FRAS1: variants seen among roughly 807,000 people sequenced by gnomAD.
The protein encoded by FRAS1 is extracellular matrix organizing protein FRAS1.
A neutral mutation model predicts 435.2 loss-of-function variants in FRAS1; 290 were observed. The ratio of observed to expected loss-of-function variants is 0.67; its 90% CI spans 0.61 to 0.73. FRAS1 has a LOEUF of 0.73. Among genes scored for constraint, FRAS1 ranks in the 30% least tolerant of loss-of-function variants. FRAS1 has a pLI of 0.00. For missense variants in FRAS1, 4,860 were observed against 5,001.5 expected, an observed-to-expected ratio of 0.97 and a Z score of 0.85; for synonymous variants, 1,800 against 1,851.0, an observed-to-expected ratio of 0.97 and a Z score of 0.71.
chr4:78,364,519 T>A (rs1428608143), intron 22 of FRAS1, among the ~76,000 whole-genome samples: 2 of 152,216 alleles, frequency 1.3e-5, no homozygotes, highest in African/African-American at 4.8e-5. Flanking sequence ...AGGTTTTGCA[T>A]GCTGGAAATA....
chr4:78,359,551 A>C (rs1383814530), intron 20 of FRAS1, among the ~76,000 whole-genome samples: 1 of 152,242 alleles, frequency 6.6e-6, no homozygotes, highest in East Asian at 1.9e-4. Flanking sequence ...GGGGGATTGC[A>C]TATGATGGAG....
intron 50 of FRAS1, among the ~76,000 whole-genome samples, chr4:78,467,884 G>A (rs1395837918): frequency 1.3e-5 from 2 of 152,168 alleles, no homozygotes; most frequent in Non-Finnish European, 2.9e-5. Flanking sequence ...TTTGACAAAT[G>A]TCTATTCAAA....
intron 2 of FRAS1, among the ~76,000 whole-genome samples, chr4:78,090,917 T>C (rs78869796): frequency 0.016 from 2,399 of 152,314 alleles, 59 homozygotes; most frequent in African/African-American, 0.055. Flanking sequence ...AAAGGATAAA[T>C]TTGTAGTTTA....
chr4:78,202,354 A>G (rs1380665737), intron 2 of FRAS1, among the ~76,000 whole-genome samples: 2 of 152,212 alleles, frequency 1.3e-5, no homozygotes, highest in African/African-American at 4.8e-5. Flanking sequence ...CTGGATTTGC[A>G]TAAGCATCGA....
intron 2 of FRAS1, among the ~76,000 whole-genome samples, chr4:78,177,939 G>A (rs974226876): frequency 2.0e-5 from 3 of 152,080 alleles, no homozygotes; most frequent in Non-Finnish European, 4.4e-5. Context: ...GCAAATTTCC[G>A]CAAACTGGGT....
At chr4:78,148,117 G>A (rs1387502684) in intron 2 of FRAS1, among the ~76,000 whole-genome samples, 1 of 152,114 alleles carries the variant, frequency 6.6e-6, no homozygotes, top group African/African-American at 2.4e-5. Flanking sequence ...TTCTAGAAAT[G>A]AGGAGTTATT....
chr4:78,128,513 G>A (rs1719501726), intron 2 of FRAS1, among the ~76,000 whole-genome samples: 1 of 152,166 alleles, frequency 6.6e-6, no homozygotes. Context: ...GTGATGATGA[G>A]CATTTTTTCA....
intron 2 of FRAS1, among the ~76,000 whole-genome samples, chr4:78,198,507 G>C (rs894109970): frequency 6.6e-6 from 1 of 152,204 alleles, no homozygotes; most frequent in African/African-American, 2.4e-5. Flanking sequence ...GAAAAAGAAA[G>C]AAAGAGTGTA....
chr4:78,508,542 C>CT (rs1007696040), intron 62 of FRAS1, among the ~76,000 whole-genome samples, 189 bp from the exon 63 acceptor site: 32 of 152,198 alleles, frequency 2.1e-4, no homozygotes, highest in Non-Finnish European at 4.3e-4. Flanking sequence ...GTAGAAGAAT[C>CT]TTCTCCACCA....
intron 2 of FRAS1, among the ~76,000 whole-genome samples, chr4:78,122,904 A>C (rs527555781): frequency 1.3e-5 from 2 of 152,264 alleles, no homozygotes; most frequent in South Asian, 4.1e-4. Context: ...AGATTGCAAA[A>C]ATTTTCTTCC....
At chr4:78,060,936 C>T (rs1739735766) in intron 1 of FRAS1, among the ~76,000 whole-genome samples, 1 of 152,000 alleles carries the variant, frequency 6.6e-6, no homozygotes, top group Admixed American at 6.6e-5. Flanking sequence ...TGCCTCTGCC[C>T]CCTGGCCTCA....
At chr4:78,246,051 T>C (rs1320256780) in intron 4 of FRAS1, among the ~76,000 whole-genome samples, 10 of 152,204 alleles carry the variant, frequency 6.6e-5, no homozygotes, top group Non-Finnish European at 1.3e-4. Flanking sequence ...AAAATTACAC[T>C]TTCTCATTTC....
At chr4:78,211,276 GT>G (rs1723490730) in intron 2 of FRAS1, among the ~76,000 whole-genome samples, 2 of 152,182 alleles carry the variant, frequency 1.3e-5, no homozygotes, top group Non-Finnish European at 2.9e-5. Context: ...TAAAAGTATT[GT>G]TGAGCCATGC....
intron 20 of FRAS1, among the ~76,000 whole-genome samples, chr4:78,341,399 A>G (rs1367872950): frequency 6.6e-6 from 1 of 152,178 alleles, no homozygotes; most frequent in Non-Finnish European, 1.5e-5. Context: ...TTCTGTGAAG[A>G]GAAAGATCTG....
At chr4:78,466,121 T>G in intron 49 of FRAS1, 87 bp from the exon 50 acceptor site, 1 of 1,036,740 alleles carries the variant, frequency 9.6e-7, no homozygotes, top group Non-Finnish European at 1.5e-6. Context: ...TGGGTTCTAC[T>G]ACCCTTGATC....
intron 2 of FRAS1, among the ~76,000 whole-genome samples, chr4:78,129,020 C>T (rs1010725865): frequency 6.6e-6 from 1 of 152,124 alleles, no homozygotes; most frequent in African/African-American, 2.4e-5. Flanking sequence ...GAATCCTTTC[C>T]CCATTGCTTG....
At chr4:78,357,824 C>G (rs1396410117) in intron 20 of FRAS1, among the ~76,000 whole-genome samples, 1 of 152,142 alleles carries the variant, frequency 6.6e-6, no homozygotes, top group East Asian at 1.9e-4. Context: ...GATCCTGGAG[C>G]CCCGAGTTCA....
rs978758913 is a variant in FRAS1 at position 78,188,053 on chromosome 4, T to C, written c.109-49457T>C. 6.6e-5 allele frequency among the ~76,000 whole-genome samples: 10 copies of C among 152,168 alleles called. 1 individual carries two copies. Among genetic ancestry groups the C allele is most frequent in the African/African-American group, 1.4e-4 (6 of 41,438 alleles). On this transcript the variant is annotated intron_variant, in intron 2 of 73. Coordinates refer to ENST00000512123, the MANE Select transcript of FRAS1 (RefSeq NM_025074.7). ...TTAAATTCACCAAGTGTAGGGTGCA[T>C]ATGATTAACGAGAGGTAGAATTTGT... is the stretch of plus-strand genomic sequence containing the variant.
chr4:78,287,153 A>T (rs775429596), intron 14 of FRAS1, among the ~76,000 whole-genome samples: 3 of 152,072 alleles, frequency 2.0e-5, no homozygotes, highest in Non-Finnish European at 4.4e-5. Flanking sequence ...CTGGAGAGAG[A>T]GAGAGTGAGA....
Sources: allele counts gnomAD v4.1 joint callset (sites outside exome capture counted in the v4.1 genomes callset), GRCh38; gene constraint gnomAD v4.1.1; transcripts MANE v1.5; gene names NCBI Gene and HGNC (gene_info 2026-07-23, HGNC 2026-07-21).